Variants in TTLL11 observed in about 807,000 individuals in gnomAD.
TTLL11 encodes the protein tubulin polyglutamylase TTLL11.
TTLL11 carries 42 observed loss-of-function variants against 51.7 expected under a neutral mutation model. The observed-to-expected ratio is 0.81, with a 90% CI of 0.64 to 1.05. TTLL11 has a LOEUF of 1.05. Among genes scored for constraint, TTLL11 ranks in the 50% least tolerant of loss-of-function variants. The pLI is 0.00. For synonymous variants in TTLL11, 381 were observed against 383.5 expected (o/e 0.99, Z 0.08); for missense variants, 799 against 940.4 (o/e 0.85, Z 1.97).
rs72762613 is a variant in TTLL11 at position 121,821,098 on chromosome 9, T to C, written c.*1489A>G. ...AATTGGAGACATCTTGGATTAACAA[T>C]CTTGCCTTTGGGTTTAAAAATATCT... On this transcript the variant is annotated 3_prime_UTR_variant, in exon 9 of 9. Coordinates refer to ENST00000321582, the MANE Select transcript of TTLL11 (RefSeq NM_001139442.2). This position sits in a 1 kb window ranked among gnomAD's most constrained non-coding sequence, Gnocchi z 5.0. Among the ~76,000 whole-genome samples the C allele has an allele frequency of 0.036, 5,486 of 152,142 alleles. 137 individuals are homozygous for C. The highest frequency in any genetic ancestry group is 0.054 in the Non-Finnish European group (3,664 of 67,990).
chr9:122,000,246 C>T (rs113509210), intron 3 of TTLL11, among the ~76,000 whole-genome samples: 5,930 of 151,982 alleles, frequency 0.039, 115 homozygotes, highest in African/African-American at 0.059. Context: ...CCGAGGCAGG[C>T]GGATCACGAG....
chr9:121,871,184 G>A (rs1011476198), intron 6 of TTLL11, among the ~76,000 whole-genome samples: 5 of 151,060 alleles, frequency 3.3e-5, no homozygotes, highest in Admixed American at 6.6e-5. Flanking sequence ...ATCAGCTACC[G>A]AATTCTAGGA....
chr9:122,059,962 C>A (rs903206935), intron 1 of TTLL11, among the ~76,000 whole-genome samples: 7 of 152,198 alleles, frequency 4.6e-5, no homozygotes, highest in African/African-American at 1.2e-4. Flanking sequence ...GTCATAGTGA[C>A]CCCCATAGGT....
At chr9:121,917,092 C>T (rs1427747842) in intron 6 of TTLL11, among the ~76,000 whole-genome samples, 2 of 152,174 alleles carry the variant, frequency 1.3e-5, no homozygotes, top group Non-Finnish European at 2.9e-5. Context: ...GCCCATCCCC[C>T]TTGACAATAC....
In TTLL11 at chr9:121,941,410, A is replaced by G. The variant is rs538284018; in HGVS notation, c.1481+32599T>C. Among the ~76,000 whole-genome samples, 3 of 152,352 alleles carry G rather than the reference A, an allele frequency of 2.0e-5. No individual in the cohort carries two copies. In the East Asian group the frequency reaches 5.8e-4, roughly 29 times the overall value. On this transcript the variant is annotated intron_variant, in intron 6 of 8. Coordinates refer to ENST00000321582, the MANE Select transcript of TTLL11 (RefSeq NM_001139442.2). ...TGAAATCAGTGGTGATGGTGACAACAGTGATGACAACAGCCGACATTTGCG... is the reference window on the plus strand; with the variant it reads ...TGAAATCAGTGGTGATGGTGACAACGGTGATGACAACAGCCGACATTTGCG...
chr9:122,088,972 G>C (rs931924487), intron 1 of TTLL11, among the ~76,000 whole-genome samples: 2 of 139,150 alleles, frequency 1.4e-5, no homozygotes, highest in Non-Finnish European at 3.0e-5. Flanking sequence ...AGCCAAGATA[G>C]CACCACTGCA....
chr9:121,910,514 G>A (rs1162586136), intron 6 of TTLL11, among the ~76,000 whole-genome samples: 1 of 152,198 alleles, frequency 6.6e-6, no homozygotes, highest in East Asian at 1.9e-4. Flanking sequence ...TAACAGTTTG[G>A]AAAACAGTGA....
At chr9:121,988,273 T>G (rs946651441) in intron 4 of TTLL11, among the ~76,000 whole-genome samples, 11 of 152,170 alleles carry the variant, frequency 7.2e-5, no homozygotes, top group African/African-American at 2.7e-4. Context: ...CTTGTCTCAG[T>G]GTGTTCTCTA....
chr9:122,039,569 T>G (rs1787715389), intron 1 of TTLL11, among the ~76,000 whole-genome samples: 1 of 152,196 alleles, frequency 6.6e-6, no homozygotes, highest in African/African-American at 2.4e-5. Flanking sequence ...TTGTTCCAAG[T>G]GGTAGAGCTC....
chr9:122,017,751 G>C (rs1239681820), intron 3 of TTLL11, among the ~76,000 whole-genome samples: 2 of 152,060 alleles, frequency 1.3e-5, no homozygotes, highest in African/African-American at 4.8e-5. Flanking sequence ...GTGAGCCACC[G>C]TGCCCAGCCA....
At chr9:121,939,073 C>T (rs960966567) in intron 6 of TTLL11, among the ~76,000 whole-genome samples, 8 of 152,126 alleles carry the variant, frequency 5.3e-5, no homozygotes, top group African/African-American at 1.9e-4. Context: ...ATGAGAGACA[C>T]GTATAAGGAC....
chr9:121,866,194 T>G (rs1196330462), intron 7 of TTLL11, among the ~76,000 whole-genome samples: 3 of 152,290 alleles, frequency 2.0e-5, no homozygotes, highest in Admixed American at 2.0e-4. Flanking sequence ...TAATTCATAA[T>G]GAAGCAAAAT....
At chr9:122,011,837 G>C (rs1843799598) in intron 3 of TTLL11, among the ~76,000 whole-genome samples, 1 of 152,166 alleles carries the variant, frequency 6.6e-6, no homozygotes, top group African/African-American at 2.4e-5. Context: ...AACACACAGA[G>C]AAGAACTGTT....
chr9:121,923,157 T>C (rs1378988062), intron 6 of TTLL11, among the ~76,000 whole-genome samples: 3 of 152,240 alleles, frequency 2.0e-5, no homozygotes, highest in Non-Finnish European at 4.4e-5. Flanking sequence ...AGCTGGGTTT[T>C]ATTTAAAGAA....
At chr9:121,915,117 G>A (rs527430178) in intron 6 of TTLL11, among the ~76,000 whole-genome samples, 1 of 152,254 alleles carries the variant, frequency 6.6e-6, no homozygotes, top group African/African-American at 2.4e-5. Flanking sequence ...GTGGTGGGAG[G>A]GGGAGCTGGC....
intron 6 of TTLL11, among the ~76,000 whole-genome samples, chr9:121,917,670 G>GT (rs1490467297): frequency 1.3e-5 from 2 of 150,290 alleles, no homozygotes; most frequent in Admixed American, 6.7e-5. Flanking sequence ...AAGAAAGGAA[G>GT]AAAGGAAGTG....
intron 3 of TTLL11, among the ~76,000 whole-genome samples, chr9:122,003,592 C>A (rs1198428691): frequency 6.8e-6 from 1 of 147,240 alleles, no homozygotes; most frequent in Non-Finnish European, 1.5e-5. Context: ...TCAAGCGATT[C>A]TCCTTCCTCA....
intron 6 of TTLL11, among the ~76,000 whole-genome samples, chr9:121,955,955 T>A (rs538685020): frequency 6.6e-6 from 1 of 152,238 alleles, no homozygotes; most frequent in African/African-American, 2.4e-5. Context: ...TGTTCCATTT[T>A]AAAATATTCA....
At chr9:121,826,340 ATGGGT>A (rs1330911543) in intron 8 of TTLL11, among the ~76,000 whole-genome samples, 1 of 129,050 alleles carries the variant, frequency 7.7e-6, no homozygotes, top group African/African-American at 2.9e-5. Context: ...GTTTATATAT[ATGGGT>A]TATATATATG....
Sources: allele counts gnomAD v4.1 joint callset (sites outside exome capture counted in the v4.1 genomes callset), GRCh38; gene constraint gnomAD v4.1.1; non-coding constraint Gnocchi (gnomAD v3.1); transcripts MANE v1.5; gene names NCBI Gene and HGNC (gene_info 2026-07-23, HGNC 2026-07-21).